Variants in SLC18A1 observed in about 807,000 individuals in gnomAD.
SLC18A1 encodes the protein solute carrier family 18 member A1.
A neutral mutation model predicts 53.7 loss-of-function variants in SLC18A1; 69 were observed. The ratio of observed to expected loss-of-function variants is 1.28; its 90% CI spans 1.06 to 1.57. SLC18A1 has a LOEUF of 1.57. Ranked by LOEUF, SLC18A1 falls within the 40% of genes most tolerant of loss-of-function variation. The pLI, the probability that SLC18A1 is intolerant of heterozygous loss-of-function variation, is 0.00. For missense variants in SLC18A1, 932 were observed against 668.1 expected (o/e 1.40, Z -4.35); for synonymous variants, 320 against 248.1 (o/e 1.29, Z -2.72).
Position 20,181,014 on chromosome 8 carries a change from T to C in SLC18A1, c.-50A>G, listed in dbSNP as rs1247106497. ...TTCCCCTGCGGGCTCTTAGGGAAGG[T>C]CCTGTGACAGCTACAGGTCTCCTGC... On this transcript the variant is annotated 5_prime_UTR_variant, in exon 2 of 16. Coordinates refer to ENST00000276373, the MANE Select transcript of SLC18A1 (RefSeq NM_003053.4). 1 of 1,539,884 alleles carries C rather than the reference T, an allele frequency of 6.5e-7. No homozygotes were observed. The highest frequency in any genetic ancestry group is 2.5e-5 in the East Asian group (1 of 40,678).
rs2072059288 is a variant in SLC18A1, at chr8:20,169,611, G to A, written c.858+1492C>T. Among the ~76,000 whole-genome samples the A allele has an allele frequency of 6.6e-5, 10 of 152,234 alleles. No homozygotes were observed. The South Asian group carries it at 2.1e-3, about 32-fold the overall frequency. On this transcript the variant is annotated intron_variant, in intron 8 of 15. Coordinates refer to ENST00000276373, the MANE Select transcript of SLC18A1 (RefSeq NM_003053.4). ...GAGAGAGAATGGGCTGGGTGCGGTG[G>A]CTCATGCCTACAATCCCAGCACTTT...
Position 20,171,125 on chromosome 8 carries a change from T to TAC in SLC18A1, c.835_836insGT (p.Gln279ArgfsTer50), listed in dbSNP as rs757430641. On this transcript the variant is annotated frameshift_variant, in exon 8 of 16. Coordinates refer to ENST00000276373, the MANE Select transcript of SLC18A1 (RefSeq NM_003053.4). LOFTEE classifies it high-confidence loss of function. ...TACCTCAGGAGAGACTTTGGAAGGC[T>TAC]GTAGGATGCAAAGCTGGAGTGCTAA... 1 of 1,614,194 alleles carries TAC rather than the reference T, an allele frequency of 6.2e-7. No individual in the cohort carries two copies. Among genetic ancestry groups the TAC allele is most frequent in the Non-Finnish European group, 8.5e-7 (1 of 1,180,012 alleles).
At chr8:20,164,157 CT>C (rs1473153757) in intron 10 of SLC18A1, among the ~76,000 whole-genome samples, 1 of 152,160 alleles carries the variant, frequency 6.6e-6, no homozygotes, top group African/African-American at 2.4e-5. Flanking sequence ...CCGTAAGCCT[CT>C]CCTCCCTGCA....
chr8:20,180,522 G>T (rs2072397790), intron 2 of SLC18A1, among the ~76,000 whole-genome samples: 1 of 151,960 alleles, frequency 6.6e-6, no homozygotes, highest in East Asian at 1.9e-4. Context: ...GAGGCACTTG[G>T]AGTCATTAGC....
chr8:20,180,560 G>GA (rs2072398870), intron 2 of SLC18A1, among the ~76,000 whole-genome samples: 1 of 152,204 alleles, frequency 6.6e-6, no homozygotes, highest in East Asian at 1.9e-4. Context: ...TGGGGAGAAA[G>GA]AAAAGCACAG....
chr8:20,152,610 G>C (rs1585193731), intron 10 of SLC18A1, among the ~76,000 whole-genome samples: 1 of 152,272 alleles, frequency 6.6e-6, no homozygotes, highest in Middle Eastern at 3.4e-3. Flanking sequence ...CAAGAGCATG[G>C]GGGGAACGTG....
chr8:20,175,187 C>T (rs150247724), intron 4 of SLC18A1: 2 of 152,368 alleles, frequency 1.3e-5, no homozygotes, highest in African/African-American at 4.8e-5. Context: ...GGCTCCCAGA[C>T]AGTCAGACCT....
chr8:20,154,049 T>C lies in SLC18A1; in HGVS notation c.1016-3305A>G, dbSNP rs563205260. On this transcript the variant is annotated intron_variant, in intron 10 of 15. Transcript: ENST00000276373. ...CTCTGTAAGTTCACACAAGAGCTGG[T>C]TGTTAAAAGAGCTGGGCCTCCTGAG... is the stretch of plus-strand genomic sequence containing the variant. 2.5e-3 allele frequency among the ~76,000 whole-genome samples: 381 copies of C among 152,246 alleles called. 5 individuals carry two copies. The highest frequency in any genetic ancestry group is 8.7e-3 in the African/African-American group (360 of 41,542).
intron 10 of SLC18A1, among the ~76,000 whole-genome samples, chr8:20,159,150 C>T (rs1275512781): frequency 6.6e-6 from 1 of 152,136 alleles, no homozygotes; most frequent in Admixed American, 6.5e-5. Flanking sequence ...GGCCTGCTAG[C>T]CCATGCTCCA....
chr8:20,179,964 G>C (rs559577722), intron 2 of SLC18A1, among the ~76,000 whole-genome samples: 1 of 152,314 alleles, frequency 6.6e-6, no homozygotes, highest in African/African-American at 2.4e-5. Context: ...CTCAGCTCTG[G>C]GACCCCTGGA....
At chr8:20,178,150 A>ACACACACC (rs762729684) in intron 4 of SLC18A1, among the ~76,000 whole-genome samples, 49 of 148,154 alleles carry the variant, frequency 3.3e-4, no homozygotes, top group Non-Finnish European at 5.5e-4. Flanking sequence ...ACACACACAC[A>ACACACACC]CCCCGTAGCA....
At chr8:20,161,305 T>C (rs986908776) in intron 10 of SLC18A1, among the ~76,000 whole-genome samples, 2 of 152,116 alleles carry the variant, frequency 1.3e-5, no homozygotes, top group Admixed American at 1.3e-4. Flanking sequence ...TATTTGCAGG[T>C]TTCACATCCT....
Position 20,181,076 on chromosome 8 carries a change from G to T in SLC18A1, c.-112C>A. On this transcript the variant is annotated 5_prime_UTR_variant, in exon 2 of 16. Coordinates refer to ENST00000276373, the MANE Select transcript of SLC18A1 (RefSeq NM_003053.4). ...AAGAGGGGAGGGAGTCTGCCCAGAC[G>T]AAGGAAACTCACTATTAAAACGAAA... The T allele has an allele frequency of 7.5e-7, 1 of 1,341,110 alleles. No homozygotes were observed. Among genetic ancestry groups the T allele is most frequent in the Non-Finnish European group, 9.9e-7 (1 of 1,007,248 alleles). The allele number at this position is 1,341,110 out of a possible 1,614,324, so 83.1% of individuals were successfully genotyped here.
chr8:20,182,717 T>A (rs958347727), intron 1 of SLC18A1, among the ~76,000 whole-genome samples: 1 of 152,190 alleles, frequency 6.6e-6, no homozygotes, highest in African/African-American at 2.4e-5. Context: ...GTGACCAAGG[T>A]CCTAAGTGAA....
chr8:20,180,154 G>A (rs1021925336), intron 2 of SLC18A1, among the ~76,000 whole-genome samples: 3 of 129,690 alleles, frequency 2.3e-5, no homozygotes, highest in Non-Finnish European at 5.2e-5. Context: ...TTCCCTGGGA[G>A]CAATGATTCA....
At chr8:20,155,652 G>T (rs555425260) in intron 10 of SLC18A1, among the ~76,000 whole-genome samples, 2 of 152,292 alleles carry the variant, frequency 1.3e-5, no homozygotes, top group East Asian at 3.9e-4. Context: ...TCTTGAAAGT[G>T]TAGCCCCAGA....
At position 20,180,847 on chromosome 8, in the gene SLC18A1, C is replaced by T. The variant is rs1207313606; in HGVS notation, c.118G>A (p.Val40Met). The T allele has an allele frequency of 6.2e-7, 1 of 1,614,034 alleles. No homozygotes were observed. The highest frequency in any genetic ancestry group is 8.5e-7 in the Non-Finnish European group (1 of 1,179,914). The change falls in exon 2 of 16, where the codon GTG (valine) becomes ATG (methionine). Residue 40 changes from valine to methionine, a missense_variant. Val to Met is a conservative substitution (Grantham distance 21). Transcript: ENST00000276373. ...CAAAGACCCACAAACGTACCCACCA[C>T]AGTAAACAGCATGTTGTCCAGGAGC... ...ALLLDNMLFT[V>M]VVPIVPTFLY...
chr8:20,170,741 A>C (rs1159014507), intron 8 of SLC18A1, among the ~76,000 whole-genome samples: 2 of 151,798 alleles, frequency 1.3e-5, no homozygotes, highest in Non-Finnish European at 2.9e-5. Flanking sequence ...TCTCCTAGCT[A>C]TAATTACATG....
chr8:20,174,126 T>C (rs2072196469), intron 5 of SLC18A1, among the ~76,000 whole-genome samples: 1 of 151,982 alleles, frequency 6.6e-6, no homozygotes, highest in Non-Finnish European at 1.5e-5. Flanking sequence ...CTGCCCGGGT[T>C]GGTCTCAGAC....
Sources: allele counts gnomAD v4.1 joint callset (sites outside exome capture counted in the v4.1 genomes callset), GRCh38; gene constraint gnomAD v4.1.1; transcripts MANE v1.5; gene names NCBI Gene and HGNC (gene_info 2026-07-23, HGNC 2026-07-21).